The following CEP85L variants were observed in gnomAD, a reference collection of about 807,000 sequenced individuals.
The protein encoded by CEP85L is centrosomal protein 85L.
In CEP85L, 60 loss-of-function variants were observed where a neutral mutation model predicts 100.3. The ratio of observed to expected loss-of-function variants is 0.60; its 90% confidence interval spans 0.49 to 0.74. CEP85L has a LOEUF of 0.74. Among genes scored for constraint, CEP85L ranks in the 30% least tolerant of loss-of-function variants. CEP85L has a pLI of 0.00. For missense variants in CEP85L, 973 were observed against 936.2 expected, an observed-to-expected ratio of 1.04 and a Z score of -0.51; for synonymous variants, 319 against 322.7, an observed-to-expected ratio of 0.99 and a Z score of 0.12.
intron 4 of CEP85L, among the ~76,000 whole-genome samples, chr6:118,519,474 G>GT (rs1475826517): frequency 1.9e-3 from 82 of 43,226 alleles, no homozygotes; most frequent in Non-Finnish European, 2.8e-3. Context: ...GTGTGTGTGT[G>GT]GCGGGGGGGG....
intron 1 of CEP85L, among the ~76,000 whole-genome samples, chr6:118,666,253 A>G (rs771028813): frequency 6.6e-6 from 1 of 152,168 alleles, no homozygotes; most frequent in Non-Finnish European, 1.5e-5. Context: ...CCTCCTTCAT[A>G]TCCAAAGCGG....
intron 1 of CEP85L, among the ~76,000 whole-genome samples, chr6:118,666,290 A>C (rs17080465): frequency 0.011 from 1,750 of 152,314 alleles, 45 homozygotes; most frequent in African/African-American, 0.04. Flanking sequence ...TCCTAAACTT[A>C]AGAGTCCTAG....
chr6:118,605,484 T>C (rs1772131548), intron 2 of CEP85L, among the ~76,000 whole-genome samples: 2 of 152,148 alleles, frequency 1.3e-5, no homozygotes, highest in Non-Finnish European at 2.9e-5. Context: ...ACCAAAGCTC[T>C]CTCATAATGC....
At chr6:118,634,290 T>G (rs1445935505) in intron 1 of CEP85L, among the ~76,000 whole-genome samples, 1 of 152,196 alleles carries the variant, frequency 6.6e-6, no homozygotes, top group East Asian at 1.9e-4. Flanking sequence ...TTGTTCTCTA[T>G]GTCAGTATTA....
chr6:118,563,945 T>C (rs565215510), intron 3 of CEP85L, among the ~76,000 whole-genome samples: 2 of 152,334 alleles, frequency 1.3e-5, no homozygotes, highest in Admixed American at 6.5e-5. Flanking sequence ...CCTGAATTCA[T>C]CTTTCTACTC....
chr6:118,645,887 T>C (rs1160488084), intron 1 of CEP85L, among the ~76,000 whole-genome samples: 1 of 152,224 alleles, frequency 6.6e-6, no homozygotes, highest in Non-Finnish European at 1.5e-5. Context: ...CCATTTTTTT[T>C]TTAATTAAAG....
At chr6:118,700,166 T>C (rs1234875330) in intron 1 of CEP85L, among the ~76,000 whole-genome samples, 3 of 152,228 alleles carry the variant, frequency 2.0e-5, no homozygotes, top group African/African-American at 7.2e-5. Context: ...AAGATACCTA[T>C]GCAATTCTTG....
chr6:118,532,440 T>G (rs2114833706), intron 3 of CEP85L, among the ~76,000 whole-genome samples: 1 of 152,192 alleles, frequency 6.6e-6, no homozygotes, highest in Admixed American at 6.5e-5. Flanking sequence ...GACAAATCAT[T>G]TGTACACTAA....
intron 10 of CEP85L, among the ~76,000 whole-genome samples, chr6:118,476,733 A>C (rs941654915): frequency 1.3e-5 from 2 of 152,210 alleles, no homozygotes; most frequent in African/African-American, 4.8e-5. Flanking sequence ...TGGTGGTTCC[A>C]ACCACGGCCA....
intron 2 of CEP85L, among the ~76,000 whole-genome samples, chr6:118,619,363 T>C (rs1773289040): frequency 6.6e-6 from 1 of 152,190 alleles, no homozygotes; most frequent in Non-Finnish European, 1.5e-5. Flanking sequence ...ACTAGATCTT[T>C]TCTGTAAACG....
chr6:118,666,995 T>C (rs1207014547), intron 1 of CEP85L, among the ~76,000 whole-genome samples: 1 of 152,204 alleles, frequency 6.6e-6, no homozygotes. Context: ...CTTGCTTAAT[T>C]AGTTGCCACA....
chr6:118,468,028 G>C (rs889858282), intron 12 of CEP85L, among the ~76,000 whole-genome samples: 1 of 152,146 alleles, frequency 6.6e-6, no homozygotes, highest in Non-Finnish European at 1.5e-5. Flanking sequence ...CTTAGTGTCT[G>C]GACCATAGAA....
At chr6:118,522,270 G>C (rs956263495) in intron 4 of CEP85L, among the ~76,000 whole-genome samples, 3 of 152,144 alleles carry the variant, frequency 2.0e-5, no homozygotes, top group African/African-American at 7.2e-5. Flanking sequence ...TGAGGCAGGA[G>C]AATCACTTGA....
At chr6:118,682,392 C>A (rs1010143870) in intron 1 of CEP85L, among the ~76,000 whole-genome samples, 5 of 152,024 alleles carry the variant, frequency 3.3e-5, no homozygotes, top group African/African-American at 1.2e-4. Context: ...TACAGGCTTA[C>A]TAATTCATTG....
intron 2 of CEP85L, among the ~76,000 whole-genome samples, chr6:118,617,679 G>A (rs1773157673): frequency 6.6e-6 from 1 of 152,074 alleles, no homozygotes; most frequent in South Asian, 2.1e-4. Context: ...TTGTACTTTC[G>A]CTCTGCTCAA....
intron 5 of CEP85L, among the ~76,000 whole-genome samples, chr6:118,503,641 T>C (rs1775451327): frequency 6.6e-6 from 1 of 151,738 alleles, no homozygotes; most frequent in South Asian, 2.1e-4. Context: ...CACATAAATA[T>C]AGTCAACTGA....
rs979098937 is a variant in CEP85L at position 118,461,647 on chromosome 6, T to C, written c.*3758A>G. 9.9e-5 allele frequency: 15 copies of C among 152,148 alleles called. No individual in the cohort carries two copies. Among genetic ancestry groups the C allele is most frequent in the Admixed American group, 8.5e-4 (13 of 15,290 alleles). 9.4% of individuals were successfully genotyped at this position (152,148 alleles called of 1,614,324 possible). A position where few individuals can be genotyped will look rare whatever the true frequency, so the allele number is the denominator to read the frequency against. On this transcript the variant is annotated 3_prime_UTR_variant, in exon 13 of 13. Transcript: ENST00000368491. The stretch of plus-strand genomic sequence containing the variant: ...AATCCAAAATCTTTCCCATACATGA[T>C]TAAATATATGATATAATCATATGGC...
At chr6:118,581,923 A>T (rs979834257) in intron 2 of CEP85L, among the ~76,000 whole-genome samples, 3 of 152,160 alleles carry the variant, frequency 2.0e-5, no homozygotes, top group African/African-American at 7.2e-5. Context: ...TCCAACAGTT[A>T]GATCTTTTCT....
In CEP85L at chr6:118,685,622, CT is replaced by C. The variant is rs1438073121; in HGVS notation, c.-28+24413del. On this transcript the variant is annotated intron_variant, in intron 1 of 13. Transcript: ENST00000368488. ...ATTTTGAGGATGTTCTTGAGAAGAA[CT>C]TTTTGACACTTTAGAAATTGATAGA... 2.0e-5 allele frequency among the ~76,000 whole-genome samples: 3 copies of C among 152,088 alleles called. 1 individual carries two copies. Among genetic ancestry groups the C allele is most frequent in the African/African-American group, 7.2e-5 (3 of 41,412 alleles).
Sources: gnomAD v4.1 joint callset for allele counts (sites outside exome capture counted in the v4.1 genomes callset) on GRCh38, gnomAD v4.1.1 for gene constraint, MANE v1.5 for transcripts, NCBI Gene and HGNC (gene_info 2026-07-23, HGNC 2026-07-21) for gene names.